The following KLF16 variants were observed in gnomAD, a reference collection of about 807,000 sequenced individuals.
KLF16 encodes KLF transcription factor 16, also known as Krueppel-like factor 16.
KLF16 carries 6 observed loss-of-function variants against 6.1 expected under a neutral mutation model. That is an observed-to-expected ratio of 0.98 (90% CI 0.54 to 1.93). KLF16 has a LOEUF of 1.93. Among genes scored for constraint, KLF16 ranks in the 30% most tolerant of loss-of-function variants. KLF16 has a pLI of 0.01. For missense variants in KLF16, 355 were observed against 363.8 expected (o/e 0.98, Z 0.20); for synonymous variants, 211 against 176.5 (o/e 1.20, Z -1.55).
intron 1 of KLF16, among the ~76,000 whole-genome samples, chr19:1,859,200 C>T (rs1012681253): frequency 4.6e-5 from 7 of 152,092 alleles, no homozygotes; most frequent in African/African-American, 1.7e-4. Context: ...ATAGTTCTGC[C>T]TGGGGGTGGA....
the KLF16 span, among the ~76,000 whole-genome samples, chr19:1,870,452 G>A: frequency 5.9e-5 from 9 of 151,542 alleles, no homozygotes; most frequent in African/African-American, 1.7e-4. Context: ...CGGGAGAATC[G>A]CTTAAGGCCA....
At chr19:1,860,258 C>T (rs1355810818) in intron 1 of KLF16, 2 of 152,254 alleles carry the variant, frequency 1.3e-5, no homozygotes, top group Non-Finnish European at 2.9e-5. Context: ...TCACCCACAG[C>T]TTCCAAAGTC....
chr19:1,859,284 C>T (rs1406708436), intron 1 of KLF16, among the ~76,000 whole-genome samples: 2 of 152,076 alleles, frequency 1.3e-5, no homozygotes, highest in African/African-American at 4.8e-5. Context: ...CCTCCTGGGG[C>T]CCTCTTCAGC....
intron 1 of KLF16, among the ~76,000 whole-genome samples, chr19:1,859,282 G>A (rs1364554230): frequency 6.6e-6 from 1 of 151,974 alleles, no homozygotes; most frequent in African/African-American, 2.4e-5. Context: ...GTCCTCCTGG[G>A]GCCCTCTTCA....
the KLF16 span, among the ~76,000 whole-genome samples, chr19:1,870,526 A>G: frequency 6.3e-3 from 959 of 152,136 alleles, 13 homozygotes; most frequent in African/African-American, 0.022. Context: ...ACAATTAGCC[A>G]AGTGTGGTGA....
chr19:1,860,222 C>T (rs1007094175), intron 1 of KLF16: 4 of 152,164 alleles, frequency 2.6e-5, no homozygotes, highest in African/African-American at 9.7e-5. Context: ...CGCTCACTCT[C>T]CGTAACCATA....
Position 1,863,511 on chromosome 19 carries a change from G to A in KLF16, c.-14C>T. 2.0e-6 allele frequency: 2 copies of A among 987,594 alleles called. No homozygotes were observed. Among genetic ancestry groups the A allele is most frequent in the Admixed American group, 6.3e-5 (1 of 15,966 alleles). The allele number at this position is 987,594 out of a possible 1,614,324, so 61.2% of individuals were successfully genotyped here. On this transcript the variant is annotated 5_prime_UTR_variant, in exon 1 of 2. Coordinates refer to ENST00000250916, the MANE Select transcript of KLF16 (RefSeq NM_031918.4). The stretch of plus-strand genomic sequence containing the variant: ...GGCCGCCGACATGCCGAGCAAGGGC[G>A]CGCGGCGCGGCGGGCGGAGCGGAGG...
Position 1,863,069 on chromosome 19 carries a change from G to T in KLF16, c.429C>A (p.His143Gln). 7.1e-7 allele frequency: 1 copy of T among 1,415,534 alleles called. No individual in the cohort carries two copies. The allele number at this position is 1,415,534 out of a possible 1,614,324, so 87.7% of individuals were successfully genotyped here. Residue 143 changes from histidine to glutamine, a missense_variant, in exon 1 of 2, where the codon CAC (histidine) becomes CAA (glutamine). Coordinates refer to ENST00000250916, the MANE Select transcript of KLF16 (RefSeq NM_031918.4). ...TGTGCGTCCGCAGGTGCGACTTTAG[G>T]TGCGAGGACTTGTAGTAGGCTTTGG... is the stretch of plus-strand genomic sequence containing the variant. ...DCAKAYYKSS[H>Q]LKSHLRTHTG...
At chr19:1,862,435 C>T (rs1005930032) in intron 1 of KLF16, among the ~76,000 whole-genome samples, 52 of 152,240 alleles carry the variant, frequency 3.4e-4, no homozygotes, top group African/African-American at 1.2e-3. Flanking sequence ...GAAGTTCCCC[C>T]GCCCAGACTC....
the KLF16 span, among the ~76,000 whole-genome samples, chr19:1,874,502 C>A: frequency 6.1e-4 from 92 of 151,534 alleles, 1 homozygote; most frequent in Middle Eastern, 3.4e-3. Context: ...GAAAAAAAAA[C>A]CCCACTACAT....
chr19:1,861,189 T>A lies in KLF16; in HGVS notation c.457+1852A>T, dbSNP rs532273500. Among the ~76,000 whole-genome samples the A allele has an allele frequency of 2.6e-4, 39 of 152,256 alleles. 1 individual carries two copies. In the South Asian group the frequency reaches 8.1e-3, roughly 32 times the overall value. ...ACCGCTGCCCCAATACCCGGGGGCC[T>A]ATGGAAGCGCCTCTTGGGTGCCACT... is the stretch of plus-strand genomic sequence containing the variant. On this transcript the variant is annotated intron_variant, in intron 1 of 1. Coordinates refer to ENST00000250916, the MANE Select transcript of KLF16 (RefSeq NM_031918.4).
chr19:1,864,238 G>A (rs930156235), upstream of KLF16, among the ~76,000 whole-genome samples: 5 of 151,584 alleles, frequency 3.3e-5, no homozygotes, highest in Middle Eastern at 3.2e-3. Flanking sequence ...GGGTTGGAGG[G>A]GTGCGGAAGC....
intron 1 of KLF16, among the ~76,000 whole-genome samples, chr19:1,858,653 G>C (rs1208772587): frequency 6.6e-6 from 1 of 152,084 alleles, no homozygotes; most frequent in Admixed American, 6.5e-5. Flanking sequence ...TCAGCATCTT[G>C]AATACTCCTG....
Position 1,854,364 on chromosome 19 carries a change from C to G in KLF16, c.*95G>C. On this transcript the variant is annotated 3_prime_UTR_variant, in exon 2 of 2. Coordinates refer to ENST00000250916, the MANE Select transcript of KLF16 (RefSeq NM_031918.4). ...GGGCAGGGGTGTCTTCAGGGTTTGCCCACGGCTGGAAGGGGCCCAGGCTCC... is the reference window on the plus strand; with the variant it reads ...GGGCAGGGGTGTCTTCAGGGTTTGCGCACGGCTGGAAGGGGCCCAGGCTCC... 7.4e-7 allele frequency: 1 copy of G among 1,343,890 alleles called. No individual in the cohort carries two copies. Among genetic ancestry groups the G allele is most frequent in the South Asian group, 1.8e-5 (1 of 54,344 alleles). The allele number at this position is 1,343,890 out of a possible 1,614,324, so 83.2% of individuals were successfully genotyped here.
rs2012113495 is a variant in KLF16, at chr19:1,863,368, G to A, written c.130C>T (p.Arg44Cys). The A allele has an allele frequency of 3.1e-6, 3 of 980,410 alleles. No homozygotes were observed. The highest frequency in any genetic ancestry group is 3.6e-6 in the Non-Finnish European group (3 of 828,246). The allele number at this position is 980,410 out of a possible 1,614,324, so 60.7% of individuals were successfully genotyped here. ...GAGPAAGLDV[R>C]AARREAASPG... is the part of the protein sequence containing the mutation. ...GAGGCGGCCTCGCGGCGCGCCGCGC[G>A]CACATCCAGGCCGGCGGCGGGGCCC... The change falls in exon 1 of 2, where the codon CGC becomes TGC. Residue 44 changes from arginine to cysteine, a missense_variant. Arg to Cys is a radical substitution (Grantham distance 180). Coordinates refer to ENST00000250916, the MANE Select transcript of KLF16 (RefSeq NM_031918.4).
chr19:1,866,494 A>G (rs551750738), upstream of KLF16, among the ~76,000 whole-genome samples: 62 of 152,138 alleles, frequency 4.1e-4, no homozygotes, highest in African/African-American at 1.4e-3. Context: ...CATGCCTGTA[A>G]TCCCAGCTAC....
upstream of KLF16, among the ~76,000 whole-genome samples, chr19:1,868,477 T>A (rs1456067877): frequency 2.2e-4 from 11 of 50,356 alleles, no homozygotes; most frequent in African/African-American, 3.2e-4. Flanking sequence ...TTTTTTTTTT[T>A]TTTTTTTTTT....
At position 1,857,403 on chromosome 19, in the gene KLF16, T is replaced by C. The variant is rs1023319296; in HGVS notation, c.458-2643A>G. ...GAGACGCAGCGCCCTGAGGATGCGG[T>C]GGGTGGGGACAACGCGGGAGGGCAG... is the stretch of plus-strand genomic sequence containing the variant. On this transcript the variant is annotated intron_variant, in intron 1 of 1. Coordinates refer to ENST00000250916, the MANE Select transcript of KLF16 (RefSeq NM_031918.4). This position sits in a 1 kb window ranked among gnomAD's most constrained non-coding sequence, Gnocchi z 4.7. Among the ~76,000 whole-genome samples, 35 of 151,902 alleles carry C rather than the reference T, an allele frequency of 2.3e-4. No individual in the cohort carries two copies. The highest frequency in any genetic ancestry group is 7.3e-4 in the African/African-American group (30 of 41,324).
chr19:1,865,084 G>A (rs1372843470), upstream of KLF16, among the ~76,000 whole-genome samples: 4 of 152,202 alleles, frequency 2.6e-5, no homozygotes, highest in South Asian at 4.1e-4. Context: ...CTGCGCCTGG[G>A]CTCAACCATG....
Sources: gnomAD v4.1 joint callset for allele counts (sites outside exome capture counted in the v4.1 genomes callset) on GRCh38, gnomAD v4.1.1 for gene constraint, Gnocchi (gnomAD v3.1) non-coding constraint, MANE v1.5 for transcripts, NCBI Gene and HGNC (gene_info 2026-07-23, HGNC 2026-07-21) for gene names.